The following GJB7 variants were observed in gnomAD, a reference collection of about 807,000 sequenced individuals.
GJB7 encodes the protein gap junction protein beta 7.
For synonymous variants in GJB7, 87 were observed against 95.2 expected, an observed-to-expected ratio of 0.91 and a Z score of 0.50; for missense variants, 253 against 256.8, an observed-to-expected ratio of 0.99 and a Z score of 0.10.
chr6:87,320,141 T>C (rs1429478400), intron 2 of GJB7, among the ~76,000 whole-genome samples: 1 of 152,140 alleles, frequency 6.6e-6, no homozygotes, highest in Non-Finnish European at 1.5e-5. Flanking sequence ...CAATAGTTGA[T>C]TGTACATTTA....
In GJB7 at chr6:87,284,880, A is replaced by T; in HGVS notation, c.33T>A (p.Ser11Arg). 2 of 1,611,358 alleles carry T rather than the reference A, an allele frequency of 1.2e-6. No individual in the cohort carries two copies. The highest frequency in any genetic ancestry group is 1.7e-6 in the Non-Finnish European group (2 of 1,179,648). MSWMFLRDLL[S>R]GVNKYSTGTG... is the part of the protein sequence containing the mutation. ...TCCCAGTGGAGTATTTATTTACTCC[A>T]CTCAGGAGATCTCTGAGGAACATCC... Residue 11 changes from serine (S) to arginine (R), a missense_variant, in exon 3 of 3, where the codon AGT (serine) becomes AGA (arginine). Transcript: ENST00000525899.
In GJB7 at chr6:87,326,895, G is replaced by A. The variant is rs868562005; in HGVS notation, c.-206+2243C>T. On this transcript the variant is annotated intron_variant, in intron 1 of 2. Transcript: ENST00000525899. ...TAAAGTCTCCCATTATTAATTTGTG[G>A]GAGTTTAAGTCTCTTTGTAGGTCAC... Among the ~76,000 whole-genome samples the A allele has an allele frequency of 4.6e-3, 529 of 114,454 alleles. 6 individuals are homozygous for A. Among genetic ancestry groups the A allele is most frequent in the African/African-American group, 0.018 (465 of 26,426 alleles). The allele number at this position is 114,454 out of a possible 152,430, so 75.1% of individuals were successfully genotyped here. A position where few individuals can be genotyped will look rare whatever the true frequency, so the allele number is the denominator to read the frequency against.
intron 2 of GJB7, among the ~76,000 whole-genome samples, chr6:87,297,676 A>G (rs537842373): frequency 6.6e-6 from 1 of 152,338 alleles, no homozygotes; most frequent in East Asian, 1.9e-4. Flanking sequence ...CAGAAAATAA[A>G]AGCTCCTTAA....
intron 2 of GJB7, among the ~76,000 whole-genome samples, chr6:87,307,915 A>C (rs1389147569): frequency 2.6e-5 from 4 of 152,234 alleles, no homozygotes; most frequent in African/African-American, 9.6e-5. Context: ...TGCTATAAGG[A>C]CACAGGCACA....
At chr6:87,289,718 A>T (rs1055919059) in intron 2 of GJB7, among the ~76,000 whole-genome samples, 4 of 152,168 alleles carry the variant, frequency 2.6e-5, no homozygotes, top group African/African-American at 7.2e-5. Context: ...TGAGCAGCCC[A>T]CTTGTTCTTC....
chr6:87,325,857 G>A (rs565139716), intron 1 of GJB7, among the ~76,000 whole-genome samples: 64 of 152,192 alleles, frequency 4.2e-4, no homozygotes, highest in Non-Finnish European at 8.4e-4. Context: ...GTTCCTCCTT[G>A]TACCTCTGTT....
At chr6:87,302,111 A>G (rs1562212076) in intron 2 of GJB7, among the ~76,000 whole-genome samples, 1 of 152,210 alleles carries the variant, frequency 6.6e-6, no homozygotes, top group South Asian at 2.1e-4. Context: ...AATTCTAAAA[A>G]TCAGAGCACC....
chr6:87,316,012 G>C (rs1294227932), intron 2 of GJB7, among the ~76,000 whole-genome samples: 1 of 152,080 alleles, frequency 6.6e-6, no homozygotes, highest in African/African-American at 2.4e-5. Context: ...GGTGTGTGCT[G>C]AGTCTTCAAG....
At chr6:87,324,590 C>T (rs571510185) in intron 1 of GJB7, among the ~76,000 whole-genome samples, 9 of 150,934 alleles carry the variant, frequency 6.0e-5, no homozygotes, top group African/African-American at 1.2e-4. Flanking sequence ...AGATATGTGG[C>T]GTTATTTCTG....
At chr6:87,320,465 T>C (rs1562217258) in intron 2 of GJB7, among the ~76,000 whole-genome samples, 1 of 152,228 alleles carries the variant, frequency 6.6e-6, no homozygotes. Context: ...ATATAACTTG[T>C]GTAAACCAGA....
chr6:87,327,920 A>G (rs1377419966), intron 1 of GJB7, among the ~76,000 whole-genome samples: 31 of 149,970 alleles, frequency 2.1e-4, no homozygotes, highest in African/African-American at 7.7e-4. Context: ...GTCTTTTCAC[A>G]TAGTCCCATA....
intron 2 of GJB7, among the ~76,000 whole-genome samples, chr6:87,307,271 C>T (rs1776445013): frequency 6.7e-6 from 1 of 149,784 alleles, no homozygotes; most frequent in Non-Finnish European, 1.5e-5. Flanking sequence ...CCATAAAAAC[C>T]CTAGAAGAAA....
chr6:87,306,417 T>C (rs1297675304), intron 2 of GJB7, among the ~76,000 whole-genome samples: 1 of 152,140 alleles, frequency 6.6e-6, no homozygotes, highest in South Asian at 2.1e-4. Context: ...AAAAAACACA[T>C]GAAAAAATGC....
chr6:87,324,329 C>G (rs927410970), intron 1 of GJB7, among the ~76,000 whole-genome samples: 1 of 152,212 alleles, frequency 6.6e-6, no homozygotes, highest in African/African-American at 2.4e-5. Context: ...GTGTTTTAGA[C>G]ATGAAGTCCT....
In GJB7 at chr6:87,285,621, C is replaced by T. The variant is rs114802844; in HGVS notation, c.-27-682G>A. Among the ~76,000 whole-genome samples the T allele has an allele frequency of 7.8e-3, 1,190 of 152,336 alleles. 24 individuals are homozygous for T. Among genetic ancestry groups the T allele is most frequent in the African/African-American group, 0.026 (1,079 of 41,580 alleles). On this transcript the variant is annotated intron_variant, in intron 2 of 2. Transcript: ENST00000525899. ...CTTCTTACCCCAAAATAATCATTCA[C>T]GCTCTATATCCCATTCTTGATCTAT...
rs546001808 is a variant in GJB7, at chr6:87,306,725, C to T, written c.-28+16141G>A. ...ATGCTGCTATAAAGACACATGCACA[C>T]GTATGTTTATTGCAGCACTATTTAC... On this transcript the variant is annotated intron_variant, in intron 2 of 2. Transcript: ENST00000525899. Among the ~76,000 whole-genome samples, 171 of 152,222 alleles carry T rather than the reference C, an allele frequency of 1.1e-3. 1 individual carries two copies. The highest frequency in any genetic ancestry group is 3.7e-3 in the African/African-American group (153 of 41,540).
At chr6:87,316,513 C>G (rs1295097625) in intron 2 of GJB7, among the ~76,000 whole-genome samples, 1 of 151,832 alleles carries the variant, frequency 6.6e-6, no homozygotes, top group African/African-American at 2.4e-5. Context: ...AAAGAGTGTT[C>G]CATCAGGAAG....
chr6:87,293,064 G>A (rs1392735838), intron 2 of GJB7, among the ~76,000 whole-genome samples: 2 of 152,230 alleles, frequency 1.3e-5, no homozygotes, highest in South Asian at 2.1e-4. Flanking sequence ...ACGGAGTCTC[G>A]CTCTGTTGCT....
chr6:87,321,912 C>T (rs1225439869), intron 2 of GJB7, among the ~76,000 whole-genome samples: 1 of 152,158 alleles, frequency 6.6e-6, no homozygotes, highest in Non-Finnish European at 1.5e-5. Flanking sequence ...CTTCTGAGAA[C>T]TCCATCATGG....
Sources: allele counts gnomAD v4.1 joint callset (sites outside exome capture counted in the v4.1 genomes callset), GRCh38; gene constraint gnomAD v4.1.1; transcripts MANE v1.5; gene names NCBI Gene and HGNC (gene_info 2026-07-23, HGNC 2026-07-21).